CRISPLD1: variants seen among roughly 807,000 people sequenced by gnomAD.
CRISPLD1 encodes the protein cysteine-rich secretory protein LCCL domain-containing 1.
A neutral mutation model predicts 77.5 loss-of-function variants in CRISPLD1; 60 were observed. The observed-to-expected ratio is 0.77, with a 90% CI of 0.63 to 0.96. The LOEUF (loss-of-function observed/expected upper bound fraction) is 0.96. CRISPLD1 is among the 40% of genes least tolerant of loss of function. The probability of loss-of-function intolerance (pLI) is 0.00; values close to 1 mark genes in which losing one functional copy is unlikely to be tolerated. For missense variants in CRISPLD1, 623 were observed against 615.8 expected (o/e 1.01, Z -0.12); for synonymous variants, 195 against 200.1 (o/e 0.97, Z 0.22).
At chr8:75,025,341 A>G (rs1813213175) in intron 12 of CRISPLD1, among the ~76,000 whole-genome samples, 1 of 152,024 alleles carries the variant, frequency 6.6e-6, no homozygotes, top group Non-Finnish European at 1.5e-5. Flanking sequence ...ATTTTTTTTA[A>G]ATGACATTTA....
chr8:75,020,225 A>G (rs1311125410), intron 12 of CRISPLD1, 146 bp downstream of exon 12: 2 of 652,096 alleles, frequency 3.1e-6, no homozygotes, highest in African/African-American at 1.8e-5. Context: ...CATGCACTCC[A>G]GGCAGGCCTA....
intron 6 of CRISPLD1, among the ~76,000 whole-genome samples, chr8:75,016,120 C>T (rs573395213): frequency 6.6e-6 from 1 of 152,228 alleles, no homozygotes; most frequent in South Asian, 2.1e-4. Flanking sequence ...ATAATAAGGG[C>T]ATGTAAATCC....
Position 75,033,951 on chromosome 8 carries a change from C to T in CRISPLD1, c.*1709C>T, listed in dbSNP as rs1813400340. On this transcript the variant is annotated 3_prime_UTR_variant, in exon 15 of 15. Transcript: ENST00000262207. ...ACATAGACTCTTTTTCTGGTCCTTA[C>T]TGCTCCTCCCACAACAGGGAAGCCC... The T allele has an allele frequency of 6.6e-6, 1 of 152,040 alleles. No homozygotes were observed. The highest frequency in any genetic ancestry group is 2.4e-5 in the African/African-American group (1 of 41,442). The allele number at this position is 152,040 out of a possible 1,614,324, so 9.4% of individuals were successfully genotyped here. A position where few individuals can be genotyped will look rare whatever the true frequency, so the allele number is the denominator to read the frequency against.
chr8:75,014,134 C>A, intron 5 of CRISPLD1, 32 bp downstream of exon 5: 1 of 1,352,776 alleles, frequency 7.4e-7, no homozygotes, highest in Non-Finnish European at 1.1e-6. Context: ...TTCAGATGTA[C>A]ATTTTTCTTA....
At chr8:75,018,221 T>C (rs988743584) in intron 10 of CRISPLD1, among the ~76,000 whole-genome samples, 1 of 152,128 alleles carries the variant, frequency 6.6e-6, no homozygotes, top group Non-Finnish European at 1.5e-5. Context: ...TAAAAACTAT[T>C]AGGAACGCTC....
At chr8:75,007,339 A>G (rs568168757) in intron 2 of CRISPLD1, among the ~76,000 whole-genome samples, 7 of 152,246 alleles carry the variant, frequency 4.6e-5, no homozygotes, top group African/African-American at 1.4e-4. Flanking sequence ...CAGTGATGCA[A>G]CCTACTGGTA....
chr8:75,013,380 C>CAT (rs56292472), intron 4 of CRISPLD1, among the ~76,000 whole-genome samples: 8,202 of 151,070 alleles, frequency 0.054, 313 homozygotes, highest in Non-Finnish European at 0.077. Flanking sequence ...ACATGTGCAA[C>CAT]ATATATATAT....
intron 2 of CRISPLD1, among the ~76,000 whole-genome samples, chr8:74,987,488 A>G (rs1400814355): frequency 6.6e-6 from 1 of 152,248 alleles, no homozygotes; most frequent in African/African-American, 2.4e-5. Context: ...CTCATTAGCA[A>G]ACATACTTCA....
intron 2 of CRISPLD1, among the ~76,000 whole-genome samples, chr8:75,011,334 T>A (rs756666963): frequency 2.3e-4 from 32 of 140,562 alleles, no homozygotes; most frequent in Non-Finnish European, 7.6e-5. Flanking sequence ...GTCCATGTGT[T>A]CTCATTGTTC....
chr8:75,003,066 A>C (rs1268909396), intron 2 of CRISPLD1, among the ~76,000 whole-genome samples: 1 of 152,228 alleles, frequency 6.6e-6, no homozygotes, highest in East Asian at 1.9e-4. Context: ...AAAACAGGAA[A>C]CCGTATGTTG....
intron 2 of CRISPLD1, among the ~76,000 whole-genome samples, chr8:75,005,278 T>C (rs16939022): frequency 0.12 from 18,782 of 152,034 alleles, 1,711 homozygotes; most frequent in African/African-American, 0.25. Flanking sequence ...GTACAAACAA[T>C]GGAATTGGAA....
rs368207321 is a variant in CRISPLD1, at chr8:75,017,278, C to A, written c.997-42C>A. Reference sequence around the variant, plus strand: ...AAATAGTTGGGACTTATGCAGAACTCTAATATTTTTAACATCTTTTTATCT... The same window carrying A: ...AAATAGTTGGGACTTATGCAGAACTATAATATTTTTAACATCTTTTTATCT... On this transcript the variant is annotated intron_variant, in intron 9 of 14. Transcript: ENST00000262207. 3 of 1,600,698 alleles carry A rather than the reference C, an allele frequency of 1.9e-6. No homozygotes were observed. In the East Asian group the frequency reaches 6.7e-5, roughly 36 times the overall value.
intron 2 of CRISPLD1, among the ~76,000 whole-genome samples, chr8:74,994,958 G>A (rs1354723828): frequency 1.3e-5 from 2 of 152,154 alleles, no homozygotes; most frequent in East Asian, 3.9e-4. Flanking sequence ...TTAAAATTGA[G>A]ATTTAGCTTA....
At chr8:75,018,287 T>C (rs2128786593) in intron 10 of CRISPLD1, among the ~76,000 whole-genome samples, 1 of 151,658 alleles carries the variant, frequency 6.6e-6, no homozygotes, top group East Asian at 2.0e-4. Context: ...TTGTTTTTCG[T>C]TTGTTTGTTT....
At chr8:75,000,373 G>C in intron 2 of CRISPLD1, 3 of 985,356 alleles carry the variant, frequency 3.0e-6, no homozygotes, top group Non-Finnish European at 3.6e-6. Flanking sequence ...GAAAGAAAAG[G>C]CCAAGAGGTC....
At chr8:75,006,336 G>A (rs1001247646) in intron 2 of CRISPLD1, among the ~76,000 whole-genome samples, 3 of 152,076 alleles carry the variant, frequency 2.0e-5, no homozygotes, top group African/African-American at 7.2e-5. Context: ...GGCTACATCA[G>A]TTTTGCAAAA....
chr8:75,013,605 C>A (rs1390220849), intron 4 of CRISPLD1, among the ~76,000 whole-genome samples: 1 of 152,104 alleles, frequency 6.6e-6, no homozygotes. Flanking sequence ...TATAAGAAAT[C>A]TGAACATGTA....
chr8:74,990,375 CGT>C (rs777358812), intron 2 of CRISPLD1, among the ~76,000 whole-genome samples: 11 of 152,026 alleles, frequency 7.2e-5, no homozygotes, highest in Non-Finnish European at 1.3e-4. Context: ...AAGTGTTTGC[CGT>C]ATGGGTTTTA....
In CRISPLD1 at chr8:74,993,992, G is replaced by C. The variant is rs144692592; in HGVS notation, c.258+7747G>C. Among the ~76,000 whole-genome samples the C allele has an allele frequency of 2.9e-4, 44 of 152,330 alleles. No individual in the cohort carries two copies. The East Asian group carries it at 7.9e-3, about 27-fold the overall frequency. On this transcript the variant is annotated intron_variant, in intron 2 of 14. Coordinates refer to ENST00000262207, the MANE Select transcript of CRISPLD1 (RefSeq NM_031461.6). ...TAACTGGGGAAGGATGCAGATCATC[G>C]TAAAGACTTTCTTTTAGCTGAGTGA...
Sources: gnomAD v4.1 joint callset for allele counts (sites outside exome capture counted in the v4.1 genomes callset) on GRCh38, gnomAD v4.1.1 for gene constraint, MANE v1.5 for transcripts, NCBI Gene and HGNC (gene_info 2026-07-23, HGNC 2026-07-21) for gene names.